The following KSR2 variants were observed in gnomAD, a reference collection of about 807,000 sequenced individuals.
The protein encoded by KSR2 is kinase suppressor of ras 2.
In KSR2, 25 loss-of-function variants were observed where a neutral mutation model predicts 107.8. The observed-to-expected ratio is 0.23, with a 90% CI of 0.17 to 0.32. The LOEUF is 0.32. Ranked by LOEUF, KSR2 falls within the 10% of genes least tolerant of loss-of-function variation. The pLI, the probability that KSR2 is intolerant of heterozygous loss-of-function variation, is 1.00. For synonymous variants in KSR2, 480 were observed against 507.0 expected, an observed-to-expected ratio of 0.95 and a Z score of 0.71; for missense variants, 887 against 1,268.9, an observed-to-expected ratio of 0.70 and a Z score of 4.57.
intron 3 of KSR2, among the ~76,000 whole-genome samples, chr12:117,819,463 G>A (rs1891488420): frequency 6.6e-6 from 1 of 152,204 alleles, no homozygotes; most frequent in South Asian, 2.1e-4. Context: ...GATGCTGGAG[G>A]GCACAGTGGG....
At chr12:117,829,406 C>T (rs1169612974) in intron 3 of KSR2, among the ~76,000 whole-genome samples, 1 of 152,222 alleles carries the variant, frequency 6.6e-6, no homozygotes, top group Non-Finnish European at 1.5e-5. Flanking sequence ...TGTGCCACCA[C>T]TGCAGCTGAC....
At chr12:117,896,874 G>A (rs1894529667) in intron 1 of KSR2, among the ~76,000 whole-genome samples, 1 of 152,110 alleles carries the variant, frequency 6.6e-6, no homozygotes, top group Non-Finnish European at 1.5e-5. Context: ...TTCTAATATG[G>A]AGTCAAGGAA....
intron 5 of KSR2, among the ~76,000 whole-genome samples, chr12:117,595,425 C>A (rs905580784): frequency 7.7e-6 from 1 of 129,388 alleles, no homozygotes; most frequent in South Asian, 2.4e-4. Context: ...ACTGCAGTGG[C>A]GCAATCTCGG....
chr12:117,476,978 T>A (rs950169728), intron 16 of KSR2, among the ~76,000 whole-genome samples: 1 of 152,216 alleles, frequency 6.6e-6, no homozygotes, highest in South Asian at 2.1e-4. Flanking sequence ...CCCCCTCACA[T>A]AGTTTATAAT....
intron 5 of KSR2, among the ~76,000 whole-genome samples, chr12:117,634,357 A>G (rs916772298): frequency 6.6e-6 from 1 of 152,174 alleles, no homozygotes; most frequent in Non-Finnish European, 1.5e-5. Flanking sequence ...GGAACTTCCA[A>G]AAGCCATTGC....
At chr12:117,932,224 T>C (rs1233854103) in intron 1 of KSR2, among the ~76,000 whole-genome samples, 2 of 151,534 alleles carry the variant, frequency 1.3e-5, no homozygotes, top group Non-Finnish European at 2.9e-5. Flanking sequence ...GAGGCAGAGG[T>C]TGCATTGAGC....
At chr12:117,542,309 A>G (rs1030154804) in intron 9 of KSR2, among the ~76,000 whole-genome samples, 1 of 152,178 alleles carries the variant, frequency 6.6e-6, no homozygotes, top group Non-Finnish European at 1.5e-5. Flanking sequence ...TCATCAATAA[A>G]TGGTAGTAGC....
intron 7 of KSR2, among the ~76,000 whole-genome samples, chr12:117,566,742 G>C (rs1221356709): frequency 6.6e-6 from 1 of 152,138 alleles, no homozygotes; most frequent in Non-Finnish European, 1.5e-5. Flanking sequence ...GCTATGCTAG[G>C]CACTGGAGGT....
chr12:117,789,211 C>T (rs1046915489), intron 3 of KSR2, among the ~76,000 whole-genome samples: 1 of 152,146 alleles, frequency 6.6e-6, no homozygotes, highest in East Asian at 1.9e-4. Context: ...TCTTCTCACT[C>T]CGTAAAATGG....
rs571000241 is a variant in KSR2 at position 117,882,897 on chromosome 12, CCAT to C, written c.181-22469_181-22467del. Among the ~76,000 whole-genome samples the C allele has an allele frequency of 3.9e-5, 6 of 152,090 alleles. No homozygotes were observed. The East Asian group carries it at 1.2e-3, about 29-fold the overall frequency. On this transcript the variant is annotated intron_variant, in intron 1 of 19. Transcript: ENST00000339824. The stretch of plus-strand genomic sequence containing the variant: ...TCCATGCAGGCATCCATCCATCCAC[CCAT>C]CCATTCATCCATCCAACCATCCATC...
intron 1 of KSR2, among the ~76,000 whole-genome samples, chr12:117,901,083 T>C (rs1042924714): frequency 6.6e-6 from 1 of 151,922 alleles, no homozygotes; most frequent in East Asian, 1.9e-4. Context: ...TGACAAACGC[T>C]CATGAATGAA....
intron 3 of KSR2, among the ~76,000 whole-genome samples, chr12:117,803,961 C>T (rs1291305014): frequency 6.6e-6 from 1 of 152,126 alleles, no homozygotes; most frequent in African/African-American, 2.4e-5. Context: ...ATCTTTCCAC[C>T]GTATAAGGGG....
intron 3 of KSR2, among the ~76,000 whole-genome samples, chr12:117,804,527 C>T (rs1410845534): frequency 6.6e-6 from 1 of 152,148 alleles, no homozygotes; most frequent in African/African-American, 2.4e-5. Flanking sequence ...CACTGAATAC[C>T]CAGTAAATGG....
At chr12:117,824,773 C>T (rs1432443538) in intron 3 of KSR2, among the ~76,000 whole-genome samples, 2 of 149,408 alleles carry the variant, frequency 1.3e-5, no homozygotes, top group Admixed American at 6.7e-5. Context: ...AGGAGAATGG[C>T]ATGAACCCGG....
chr12:117,815,928 T>C (rs1891348761), intron 3 of KSR2, among the ~76,000 whole-genome samples: 1 of 148,786 alleles, frequency 6.7e-6, no homozygotes, highest in South Asian at 2.1e-4. Context: ...TGAGCCAAGA[T>C]GGTGCCACTT....
intron 1 of KSR2, among the ~76,000 whole-genome samples, chr12:117,865,291 A>G (rs1893433918): frequency 6.6e-6 from 1 of 152,174 alleles, no homozygotes; most frequent in Non-Finnish European, 1.5e-5. Flanking sequence ...AACTTAATCC[A>G]TCCTATTTAT....
intron 1 of KSR2, among the ~76,000 whole-genome samples, chr12:117,929,816 T>C (rs868225702): frequency 6.6e-6 from 1 of 152,108 alleles, no homozygotes; most frequent in Non-Finnish European, 1.5e-5. Context: ...GGCAAATTCA[T>C]AAAGACAGAA....
chr12:117,629,371 T>A (rs1882701097), intron 5 of KSR2, among the ~76,000 whole-genome samples: 1 of 152,244 alleles, frequency 6.6e-6, no homozygotes, highest in African/African-American at 2.4e-5. Flanking sequence ...AGAATATACT[T>A]AAAACTGCTT....
At chr12:117,651,372 G>T (rs913226526) in intron 5 of KSR2, among the ~76,000 whole-genome samples, 4 of 152,162 alleles carry the variant, frequency 2.6e-5, no homozygotes, top group Non-Finnish European at 5.9e-5. Context: ...GGTTGAGAGT[G>T]TGACCCATGA....
Sources: allele counts gnomAD v4.1 joint callset (sites outside exome capture counted in the v4.1 genomes callset), GRCh38; gene constraint gnomAD v4.1.1; transcripts MANE v1.5; gene names NCBI Gene and HGNC (gene_info 2026-07-23, HGNC 2026-07-21).